SDCCAG8: variants seen among roughly 807,000 people sequenced by gnomAD.
SDCCAG8 encodes the protein serologically defined colon cancer antigen 8.
A neutral mutation model predicts 101.8 loss-of-function variants in SDCCAG8; 74 were observed. The ratio of observed to expected loss-of-function variants is 0.73; its 90% CI spans 0.60 to 0.88. The LOEUF (loss-of-function observed/expected upper bound fraction) is 0.88, where lower values mean the gene tolerates loss of function less well. Among genes scored for constraint, SDCCAG8 ranks in the 40% least tolerant of loss-of-function variants. The pLI is 0.00. For synonymous variants in SDCCAG8, 281 were observed against 292.9 expected, an observed-to-expected ratio of 0.96 and a Z score of 0.41; for missense variants, 787 against 822.6, an observed-to-expected ratio of 0.96 and a Z score of 0.53.
At chr1:243,292,223 A>G (rs1474222723) in intron 5 of SDCCAG8, among the ~76,000 whole-genome samples, 1 of 152,124 alleles carries the variant, frequency 6.6e-6, no homozygotes, top group Non-Finnish European at 1.5e-5. Context: ...GCTGTTGGCG[A>G]TTAAGTCAAT....
At chr1:243,319,866 C>T (rs1406380179) in intron 9 of SDCCAG8, among the ~76,000 whole-genome samples, 1 of 152,114 alleles carries the variant, frequency 6.6e-6, no homozygotes, top group East Asian at 1.9e-4. Flanking sequence ...TCTCTGAAAC[C>T]ACACTCTCTG....
At chr1:243,272,178 A>G (rs1345510819) in intron 3 of SDCCAG8, among the ~76,000 whole-genome samples, 1 of 152,240 alleles carries the variant, frequency 6.6e-6, no homozygotes, top group Non-Finnish European at 1.5e-5. Flanking sequence ...TTAGAAACCT[A>G]TGAAGTGTTA....
intron 1 of SDCCAG8, chr1:243,267,649 CACTT>C (rs922891825): frequency 5.4e-5 from 40 of 739,166 alleles, no homozygotes; most frequent in Middle Eastern, 7.5e-4. Context: ...CACAATGTAA[CACTT>C]ACACACACTT....
At chr1:243,430,062 C>T (rs760403484) in intron 16 of SDCCAG8, among the ~76,000 whole-genome samples, 90 of 152,116 alleles carry the variant, frequency 5.9e-4, no homozygotes, top group Non-Finnish European at 1.1e-3. Flanking sequence ...TTGAATTCCT[C>T]GCCTCAAACC....
At chr1:243,379,602 G>C (rs1010748837) in intron 13 of SDCCAG8, among the ~76,000 whole-genome samples, 17 of 152,048 alleles carry the variant, frequency 1.1e-4, no homozygotes, top group Admixed American at 7.9e-4. Context: ...ATTCAAAAGA[G>C]AAAGTAGATA....
intron 6 of SDCCAG8, 111 bp from the exon 7 acceptor site, chr1:243,304,602 T>TCCC: frequency 1.5e-6 from 1 of 656,550 alleles, no homozygotes; most frequent in East Asian, 2.8e-5. Flanking sequence ...AAGACATGTT[T>TCCC]CCCCCACGTT....
At chr1:243,482,460 T>A (rs371412827) in intron 16 of SDCCAG8, among the ~76,000 whole-genome samples, 3 of 152,196 alleles carry the variant, frequency 2.0e-5, no homozygotes, top group South Asian at 4.1e-4. Flanking sequence ...GGGATGCCCT[T>A]GCGTGGAAGG....
intron 13 of SDCCAG8, among the ~76,000 whole-genome samples, chr1:243,399,378 GA>G (rs930613516): frequency 4.0e-5 from 6 of 150,910 alleles, no homozygotes; most frequent in East Asian, 1.9e-4. Context: ...TTTTGGAAAG[GA>G]AAAAAAAATT....
chr1:243,403,598 A>G (rs1017451988), intron 13 of SDCCAG8, among the ~76,000 whole-genome samples: 5 of 152,054 alleles, frequency 3.3e-5, no homozygotes, highest in African/African-American at 9.7e-5. Flanking sequence ...GGAGTTCCCA[A>G]CTCGGGGTCA....
rs564510991 is a variant in SDCCAG8 at position 243,257,490 on chromosome 1, A to G, written c.67+1250A>G. On this transcript the variant is annotated intron_variant, in intron 1 of 17. Transcript: ENST00000366541. The stretch of plus-strand genomic sequence containing the variant: ...AGAAAGACAAAAAAAAAAAATAATT[A>G]TAGATTACTATGATAGAAAGTAAGG... Among the ~76,000 whole-genome samples the G allele has an allele frequency of 2.6e-5, 4 of 151,974 alleles. No individual in the cohort carries two copies. The East Asian group carries it at 7.7e-4, about 29-fold the overall frequency.
At chr1:243,411,068 T>C (rs2080136670) in intron 13 of SDCCAG8, among the ~76,000 whole-genome samples, 1 of 152,162 alleles carries the variant, frequency 6.6e-6, no homozygotes. Context: ...AAGGTGGATG[T>C]TCCTATTCTA....
At chr1:243,478,746 C>G (rs1222690864) in intron 16 of SDCCAG8, among the ~76,000 whole-genome samples, 1 of 152,084 alleles carries the variant, frequency 6.6e-6, no homozygotes, top group Non-Finnish European at 1.5e-5. Context: ...ATCATGAGAT[C>G]AAGAGATCGA....
intron 1 of SDCCAG8, 23 bp downstream of exon 1, chr1:243,256,263 C>T (rs376713771): frequency 1.9e-6 from 3 of 1,609,690 alleles, no homozygotes; most frequent in East Asian, 4.5e-5. Context: ...AAACCTCTGT[C>T]CCTAGCCCCG....
At chr1:243,356,279 T>C (rs2076374247) in intron 12 of SDCCAG8, among the ~76,000 whole-genome samples, 1 of 152,212 alleles carries the variant, frequency 6.6e-6, no homozygotes, top group African/African-American at 2.4e-5. Context: ...CTAATGATTT[T>C]TCTTGAGCAG....
intron 3 of SDCCAG8, 110 bp from the exon 4 acceptor site, chr1:243,274,433 A>T: frequency 1.5e-6 from 1 of 666,082 alleles, no homozygotes; most frequent in South Asian, 1.7e-5. Context: ...TCAGTGCAAA[A>T]TTGAGTATGG....
intron 12 of SDCCAG8, among the ~76,000 whole-genome samples, chr1:243,344,942 A>G (rs1239645814): frequency 6.6e-6 from 1 of 152,176 alleles, no homozygotes; most frequent in Non-Finnish European, 1.5e-5. Flanking sequence ...GACAACATGG[A>G]TAAAGTTTTT....
chr1:243,302,580 T>C (rs911436563), intron 6 of SDCCAG8, among the ~76,000 whole-genome samples: 3 of 152,206 alleles, frequency 2.0e-5, no homozygotes, highest in African/African-American at 7.2e-5. Flanking sequence ...GAAACCTTTT[T>C]CTACACTGAT....
chr1:243,472,225 G>T (rs1005175380), intron 16 of SDCCAG8, among the ~76,000 whole-genome samples: 5 of 152,204 alleles, frequency 3.3e-5, no homozygotes, highest in Non-Finnish European at 7.3e-5. Flanking sequence ...TGAGGCTCCA[G>T]GTGTGTCATA....
chr1:243,476,422 T>G, intron 16 of SDCCAG8: 1 of 923,496 alleles, frequency 1.1e-6, no homozygotes, highest in Non-Finnish European at 1.3e-6. Context: ...TCTTATGCCA[T>G]CACACCTCTG....
Sources: allele counts gnomAD v4.1 joint callset (sites outside exome capture counted in the v4.1 genomes callset), GRCh38; gene constraint gnomAD v4.1.1; transcripts MANE v1.5; gene names NCBI Gene and HGNC (gene_info 2026-07-23, HGNC 2026-07-21).